Variants in FBLN1 observed in about 807,000 individuals in gnomAD.
FBLN1 encodes the protein fibulin 1.
FBLN1 carries 34 observed loss-of-function variants against 89.7 expected under a neutral mutation model. The observed-to-expected ratio is 0.38, with a 90% CI of 0.29 to 0.50. The LOEUF is 0.50. FBLN1 is among the 20% of genes least tolerant of loss of function. The pLI is 0.92. For missense variants in FBLN1, 777 were observed against 988.1 expected (o/e 0.79, Z 2.86); for synonymous variants, 393 against 391.3 (o/e 1.00, Z -0.05).
rs760916940 is a variant in FBLN1 at position 45,533,031 on chromosome 22, C to G, written c.545-32C>G. ...GAAACCAGGCGGTGCCTGGGTGCGT[C>G]CATCCCTGGCTCATGCACGCTGTGC... On this transcript the variant is annotated intron_variant, in intron 5 of 16. Transcript: ENST00000327858. 2.5e-6 allele frequency: 4 copies of G among 1,588,326 alleles called. No homozygotes were observed. The South Asian group carries it at 3.3e-5, about 13-fold the overall frequency.
intron 12 of FBLN1, 135 bp downstream of exon 12, chr22:45,547,339 C>T: frequency 8.6e-7 from 1 of 1,168,908 alleles, no homozygotes; most frequent in Non-Finnish European, 1.2e-6. Context: ...CTTCCATGTC[C>T]ACCCTTGGAG....
rs574879760 is a variant in FBLN1 at position 45,586,502 on chromosome 22, G to A, written c.1972+9394G>A. Among the ~76,000 whole-genome samples, 496 of 152,372 alleles carry A rather than the reference G, an allele frequency of 3.3e-3. 5 individuals are homozygous for A. The highest frequency in any genetic ancestry group is 0.011 in the African/African-American group (473 of 41,592). On this transcript the variant is annotated intron_variant, in intron 16 of 16. Coordinates refer to ENST00000327858, the MANE Select transcript of FBLN1 (RefSeq NM_006486.3). ...GTGTCACCGTGGACGGGACCGTCAT[G>A]GTCCCAGCGGGAGGGTGGAAGGAAG... is the stretch of plus-strand genomic sequence containing the variant.
chr22:45,512,038 G>A (rs1367923751), intron 1 of FBLN1, among the ~76,000 whole-genome samples: 1 of 152,012 alleles, frequency 6.6e-6, no homozygotes, highest in Non-Finnish European at 1.5e-5. Context: ...GTCCCCTGAG[G>A]CCCTGCTTCT....
At chr22:45,506,385 A>C (rs2088021465) in intron 1 of FBLN1, among the ~76,000 whole-genome samples, 1 of 152,234 alleles carries the variant, frequency 6.6e-6, no homozygotes, top group South Asian at 2.1e-4. Context: ...CCATTCAGTC[A>C]TTCATTCACT....
rs564562355 is a variant in FBLN1 at position 45,533,745 on chromosome 22, C to T, written c.647-16C>T. On this transcript the variant is annotated splice_polypyrimidine_tract_variant and intron_variant, in intron 6 of 16. Coordinates refer to ENST00000327858, the MANE Select transcript of FBLN1 (RefSeq NM_006486.3). ...GTTCTTGCTGGTCACCCCCGCACTG[C>T]CTCGGTCTCTCCTAGATGTCAATGA... The T allele has an allele frequency of 1.2e-5, 20 of 1,609,606 alleles. No homozygotes were observed. Among genetic ancestry groups the T allele is most frequent in the African/African-American group, 9.3e-5 (7 of 75,054 alleles).
At chr22:45,544,111 G>C (rs993234258) in intron 11 of FBLN1, among the ~76,000 whole-genome samples, 2 of 151,622 alleles carry the variant, frequency 1.3e-5, no homozygotes, top group Admixed American at 1.3e-4. Context: ...TTTTGAGACG[G>C]AGTCTCGCTC....
At chr22:45,546,801 TGGCA>T (rs2088634022) in intron 11 of FBLN1, among the ~76,000 whole-genome samples, 1 of 152,208 alleles carries the variant, frequency 6.6e-6, no homozygotes, top group Non-Finnish European at 1.5e-5. Flanking sequence ...GAATGGACTC[TGGCA>T]GCCAGGTCGG....
intron 14 of FBLN1, among the ~76,000 whole-genome samples, chr22:45,568,964 T>G (rs1209213875): frequency 1.3e-5 from 2 of 152,230 alleles, no homozygotes; most frequent in African/African-American, 4.8e-5. Flanking sequence ...TGTCATCACA[T>G]GATCTTGTGT....
Position 45,530,963 on chromosome 22 carries a change from C to T in FBLN1, c.485-302C>T, listed in dbSNP as rs907926525. ...ATTTTTAGTAGAGACAGCATTTCAC[C>T]GTGTTGGCCAGGATGGTCTTGAACT... On this transcript the variant is annotated intron_variant, in intron 4 of 16. Coordinates refer to ENST00000327858, the MANE Select transcript of FBLN1 (RefSeq NM_006486.3). The surrounding 1 kb of genome is among the most constrained non-coding windows in gnomAD (Gnocchi z 5.4). Among the ~76,000 whole-genome samples the T allele has an allele frequency of 4.6e-5, 7 of 152,072 alleles. No individual in the cohort carries two copies. The highest frequency in any genetic ancestry group is 1.4e-4 in the African/African-American group (6 of 41,424).
chr22:45,534,523 G>C (rs1303376329), intron 7 of FBLN1, among the ~76,000 whole-genome samples: 1 of 152,192 alleles, frequency 6.6e-6, no homozygotes, highest in Non-Finnish European at 1.5e-5. Context: ...CAGTTTTGCA[G>C]AGGGTTTCAA....
chr22:45,521,105 T>G (rs749329345), intron 2 of FBLN1, among the ~76,000 whole-genome samples: 7 of 152,314 alleles, frequency 4.6e-5, no homozygotes, highest in Middle Eastern at 3.4e-3. Context: ...CATGAGCCAC[T>G]GCGCCCGGCC....
At chr22:45,558,903 AGT>A (rs1287323674) in intron 14 of FBLN1, among the ~76,000 whole-genome samples, 1 of 152,242 alleles carries the variant, frequency 6.6e-6, no homozygotes, top group African/African-American at 2.4e-5. Flanking sequence ...TAATAAGTCC[AGT>A]GTGTTTGCTA....
At chr22:45,535,104 G>C (rs1462444317) in intron 7 of FBLN1, 96 bp from the exon 8 acceptor site, 12 of 1,385,854 alleles carry the variant, frequency 8.7e-6, no homozygotes. Context: ...TCTGAGTAAT[G>C]CGCATTAGAA....
Position 45,531,402 on chromosome 22 carries a change from C to A in FBLN1, c.544+78C>A. The A allele has an allele frequency of 7.6e-7, 1 of 1,310,300 alleles. No individual in the cohort carries two copies. Among genetic ancestry groups the A allele is most frequent in the Non-Finnish European group, 1.1e-6 (1 of 905,758 alleles). 81.2% of individuals were successfully genotyped at this position (1,310,300 alleles called of 1,614,324 possible). On this transcript the variant is annotated intron_variant, in intron 5 of 16. Coordinates refer to ENST00000327858, the MANE Select transcript of FBLN1 (RefSeq NM_006486.3). This position sits in a 1 kb window ranked among gnomAD's most constrained non-coding sequence, Gnocchi z 4.9. ...CAGCAAGGTGGCTCAGGCCTGTAATCCTAGTACTTTGGGAAGCCAAGGCAG... is the reference window on the plus strand; with the variant it reads ...CAGCAAGGTGGCTCAGGCCTGTAATACTAGTACTTTGGGAAGCCAAGGCAG...
intron 16 of FBLN1, among the ~76,000 whole-genome samples, chr22:45,599,389 T>C (rs2089212116): frequency 6.6e-6 from 1 of 152,144 alleles, no homozygotes; most frequent in African/African-American, 2.4e-5. Flanking sequence ...GGTGTCAGCC[T>C]CCACAGAGGC....
In FBLN1 at chr22:45,550,718, C is replaced by T; in HGVS notation, c.1697+103C>T. 1 of 1,522,492 alleles carries T rather than the reference C, an allele frequency of 6.6e-7. No homozygotes were observed. The highest frequency in any genetic ancestry group is 9.1e-7 in the Non-Finnish European group (1 of 1,100,496). The allele number at this position is 1,522,492 out of a possible 1,614,324, so 94.3% of individuals were successfully genotyped here. On this transcript the variant is annotated intron_variant, in intron 14 of 16. Coordinates refer to ENST00000327858, the MANE Select transcript of FBLN1 (RefSeq NM_006486.3). The surrounding 1 kb of genome is among the most constrained non-coding windows in gnomAD (Gnocchi z 8.4). Reference sequence around the variant, plus strand: ...ATCAGGCTGTGACCTCGGTGTCCTCCCATGAGGGACTCAGGGCACTCAAAG... The same window carrying T: ...ATCAGGCTGTGACCTCGGTGTCCTCTCATGAGGGACTCAGGGCACTCAAAG...
At chr22:45,594,464 C>G (rs867651856) in intron 16 of FBLN1, among the ~76,000 whole-genome samples, 4 of 152,234 alleles carry the variant, frequency 2.6e-5, no homozygotes, top group African/African-American at 4.8e-5. Flanking sequence ...CTTCCTGCTT[C>G]CTTGGCTCAT....
intron 1 of FBLN1, among the ~76,000 whole-genome samples, chr22:45,508,998 G>A (rs2088063054): frequency 6.6e-6 from 1 of 152,182 alleles, no homozygotes; most frequent in Admixed American, 6.5e-5. Context: ...GTGTGCATTG[G>A]CGGTAGTTAG....
chr22:45,562,745 G>A lies in FBLN1; in HGVS notation c.1698-11766G>A, dbSNP rs765799426. Among the ~76,000 whole-genome samples, 1 of 152,332 alleles carries A rather than the reference G, an allele frequency of 6.6e-6. No individual in the cohort carries two copies. Among genetic ancestry groups the A allele is most frequent in the South Asian group, 2.1e-4 (1 of 4,828 alleles). On this transcript the variant is annotated intron_variant, in intron 14 of 16. Transcript: ENST00000327858. The surrounding 1 kb of genome is among the most constrained non-coding windows in gnomAD (Gnocchi z 7.8). ...CTGAATCAGCAGCCTGGAGGTCCAC[G>A]GCGCCTCCCGCAGGTGAGTGAGGTG... is the stretch of plus-strand genomic sequence containing the variant.
Sources: allele counts gnomAD v4.1 joint callset (sites outside exome capture counted in the v4.1 genomes callset), GRCh38; gene constraint gnomAD v4.1.1; non-coding constraint Gnocchi (gnomAD v3.1); transcripts MANE v1.5; gene names NCBI Gene and HGNC (gene_info 2026-07-23, HGNC 2026-07-21).